The following LCTL variants were observed in gnomAD, a reference collection of about 807,000 sequenced individuals.
LCTL encodes lactase-like protein.
A neutral mutation model predicts 75.8 loss-of-function variants in LCTL; 76 were observed. That is an observed-to-expected ratio of 1.00 (90% CI 0.83 to 1.21). The LOEUF (loss-of-function observed/expected upper bound fraction) is 1.21. LCTL is among the 50% of genes most tolerant of loss of function. The pLI, the probability that LCTL is intolerant of heterozygous loss-of-function variation, is 0.00. For synonymous variants in LCTL, 271 were observed against 268.8 expected, an observed-to-expected ratio of 1.01 and a Z score of -0.08; for missense variants, 670 against 712.4, an observed-to-expected ratio of 0.94 and a Z score of 0.68.
rs375531381 is a variant in LCTL at position 66,553,046 on chromosome 15, G to C, written c.1135C>G (p.Leu379Val). 1.9e-5 allele frequency: 30 copies of C among 1,593,572 alleles called. No individual in the cohort carries two copies. In the African/African-American group the frequency reaches 3.8e-4, roughly 20 times the overall value. ...ACAGAATATAGCCATTTAGACCCCA[G>C]ATCTGGCCAGTTTGGGTCAACCAGC... The change falls in exon 9 of 13, where the codon CTG becomes GTG. Residue 379 changes from leucine (L) to valine (V), a missense_variant. Transcript: ENST00000341509.
At chr15:66,557,612 A>G in intron 8 of LCTL, 110 bp downstream of exon 9, 1 of 1,063,200 alleles carries the variant, frequency 9.4e-7, no homozygotes, top group Non-Finnish European at 1.4e-6. Context: ...TTATCCCTTG[A>G]GTACCTCACC....
At chr15:66,562,041 C>T (rs538810749) in intron 4 of LCTL, among the ~76,000 whole-genome samples, 1 of 152,128 alleles carries the variant, frequency 6.6e-6, no homozygotes, top group Non-Finnish European at 1.5e-5. Flanking sequence ...TCAGAACACC[C>T]TTTCCTCCCA....
intron 4 of LCTL, among the ~76,000 whole-genome samples, chr15:66,561,987 G>A (rs551230993): frequency 2.6e-5 from 4 of 152,062 alleles, no homozygotes; most frequent in South Asian, 4.2e-4. Flanking sequence ...TAACTGAACC[G>A]AACTGCTTGC....
chr15:66,558,226 CTT>C (rs1895789583), intron 6 of LCTL, among the ~76,000 whole-genome samples, 190 bp from the exon 8 acceptor site: 1 of 152,148 alleles, frequency 6.6e-6, no homozygotes. Flanking sequence ...GTAAATGAAA[CTT>C]GATGTAAGTC....
At chr15:66,563,480 TC>T (rs1054121204) in intron 4 of LCTL, 35 bp downstream of exon 5, 2 of 1,476,884 alleles carry the variant, frequency 1.4e-6, no homozygotes, top group African/African-American at 2.8e-5. Context: ...CTTAGTTGAG[TC>T]CCCTTTGGGC....
At chr15:66,555,081 T>C (rs571237048) in intron 8 of LCTL, among the ~76,000 whole-genome samples, 4 of 152,270 alleles carry the variant, frequency 2.6e-5, no homozygotes, top group South Asian at 2.1e-4. Context: ...AAGAGGATAA[T>C]AGTTTAGATA....
chr15:66,552,113 G>A (rs758393637), exon 10 of LCTL: 1 of 1,613,088 alleles, frequency 6.2e-7, no homozygotes, highest in Non-Finnish European at 8.5e-7. Context: ...GAGTACAGTG[G>A]AATTTTTGAG....
intron 4 of LCTL, among the ~76,000 whole-genome samples, chr15:66,562,704 C>A (rs1312097746): frequency 1.3e-5 from 2 of 151,928 alleles, no homozygotes; most frequent in Non-Finnish European, 2.9e-5. Flanking sequence ...CCTGCCTAGC[C>A]TCCCAAGTAG....
At chr15:66,556,738 A>G (rs1001948215) in intron 8 of LCTL, among the ~76,000 whole-genome samples, 2 of 152,220 alleles carry the variant, frequency 1.3e-5, no homozygotes, top group Non-Finnish European at 2.9e-5. Context: ...TTCCACTTAT[A>G]TGAGCTACTT....
intron 2 of LCTL, 40 bp downstream of exon 3, chr15:66,564,636 C>A (rs1443507330): frequency 6.3e-7 from 1 of 1,588,968 alleles, no homozygotes; most frequent in South Asian, 1.1e-5. Context: ...CATGTGTGTG[C>A]ACGCGCGCGC....
intron 6 of LCTL, 53 bp from the exon 8 acceptor site, chr15:66,558,089 C>G: frequency 6.7e-7 from 1 of 1,494,268 alleles, no homozygotes; most frequent in Non-Finnish European, 9.1e-7. Context: ...CATTTCCTCC[C>G]TTTCAATCTG....
chr15:66,555,902 A>T (rs1209182756), intron 8 of LCTL, among the ~76,000 whole-genome samples: 3 of 152,274 alleles, frequency 2.0e-5, no homozygotes, highest in African/African-American at 4.8e-5. Context: ...GTATAAGCAC[A>T]TGAAAAGATG....
intron 8 of LCTL, among the ~76,000 whole-genome samples, chr15:66,554,877 C>T (rs994682643): frequency 6.6e-6 from 1 of 152,122 alleles, no homozygotes; most frequent in Non-Finnish European, 1.5e-5. Flanking sequence ...CATGCACAAT[C>T]CATCTCTGGA....
chr15:66,563,017 A>G (rs538568098), intron 4 of LCTL, among the ~76,000 whole-genome samples: 44 of 152,250 alleles, frequency 2.9e-4, no homozygotes, highest in Non-Finnish European at 5.4e-4. Context: ...CCTCCCTGCC[A>G]TACATGAGTG....
At chr15:66,554,751 A>G (rs1895701680) in intron 8 of LCTL, among the ~76,000 whole-genome samples, 1 of 152,216 alleles carries the variant, frequency 6.6e-6, no homozygotes, top group South Asian at 2.1e-4. Flanking sequence ...TGCAGCCTTT[A>G]GAACAAATGA....
At chr15:66,554,536 A>G (rs1419514063) in intron 8 of LCTL, among the ~76,000 whole-genome samples, 1 of 152,222 alleles carries the variant, frequency 6.6e-6, no homozygotes, top group Admixed American at 6.5e-5. Context: ...GGTATGTCCT[A>G]TCTTTGTCCC....
At chr15:66,563,675 C>T in intron 3 of LCTL, 50 bp from the exon 5 acceptor site, 1 of 1,392,728 alleles carries the variant, frequency 7.2e-7, no homozygotes. Context: ...TCGGCCTTGG[C>T]CTTGGCCTTC....
At chr15:66,554,288 C>CAAA (rs547806774) in intron 8 of LCTL, among the ~76,000 whole-genome samples, 4 of 43,358 alleles carry the variant, frequency 9.2e-5, no homozygotes, top group African/African-American at 1.6e-4. Flanking sequence ...AAGACTGTCT[C>CAAA]AAAAAAAAAA....
Position 66,563,261 on chromosome 15 carries a change from C to T in LCTL, c.480+255G>A, listed in dbSNP as rs190818211. ...CTGCCAGTGTCTTGATCTTGGACTT[C>T]CCAGCCTCCAGAACTGTGGGAAGAT... On this transcript the variant is annotated intron_variant, in intron 4 of 12. Transcript: ENST00000341509. Among the ~76,000 whole-genome samples the T allele has an allele frequency of 2.2e-4, 34 of 152,356 alleles. No homozygotes were observed. The South Asian group carries it at 3.7e-3, about 17-fold the overall frequency.
Sources: gnomAD v4.1 joint callset for allele counts (sites outside exome capture counted in the v4.1 genomes callset) on GRCh38, gnomAD v4.1.1 for gene constraint, MANE v1.5 for transcripts, NCBI Gene and HGNC (gene_info 2026-07-23, HGNC 2026-07-21) for gene names.